Variants in GLDC observed in about 807,000 individuals in gnomAD.
The protein encoded by GLDC is glycine dehydrogenase (decarboxylating), mitochondrial.
A neutral mutation model predicts 121.3 loss-of-function variants in GLDC; 104 were observed. The ratio of observed to expected loss-of-function variants is 0.86; its 90% CI spans 0.73 to 1.01. The LOEUF (loss-of-function observed/expected upper bound fraction) is 1.01, where lower values mean the gene tolerates loss of function less well. Ranked by LOEUF, GLDC falls within the 50% of genes least tolerant of loss-of-function variation. The pLI is 0.00. For missense variants in GLDC, 1,429 were observed against 1,306.6 expected (o/e 1.09, Z -1.44); for synonymous variants, 546 against 480.6 (o/e 1.14, Z -1.78).
At chr9:6,639,669 G>GCATA in intron 2 of GLDC, 2 of 221,862 alleles carry the variant, frequency 9.0e-6, no homozygotes, top group Non-Finnish European at 1.5e-5. Context: ...TAAAAAAAAA[G>GCATA]TATATATATA....
chr9:6,625,526 G>T (rs1287224122), intron 2 of GLDC, among the ~76,000 whole-genome samples: 1 of 152,128 alleles, frequency 6.6e-6, no homozygotes, highest in African/African-American at 2.4e-5. Flanking sequence ...TCCAGTGCAG[G>T]ACTCTCCTTC....
chr9:6,623,547 C>G (rs1819165743), intron 2 of GLDC, among the ~76,000 whole-genome samples: 1 of 151,296 alleles, frequency 6.6e-6, no homozygotes, highest in Admixed American at 6.6e-5. Flanking sequence ...TGCTGACCTT[C>G]CCTCCACTAT....
intron 15 of GLDC, among the ~76,000 whole-genome samples, chr9:6,572,491 GGA>G (rs2129782891): frequency 6.6e-6 from 1 of 152,180 alleles, no homozygotes; most frequent in East Asian, 1.9e-4. Flanking sequence ...TGAGTCTATG[GGA>G]GAGACACGGT....
chr9:6,593,022 A>G (rs1203885699), intron 9 of GLDC, 32 bp from the exon 10 acceptor site: 4 of 1,612,362 alleles, frequency 2.5e-6, no homozygotes, highest in East Asian at 2.2e-5. Flanking sequence ...CCAAACTCTC[A>G]TATAGAAACC....
At chr9:6,543,894 G>A (rs571471986) in intron 21 of GLDC, among the ~76,000 whole-genome samples, 12 of 149,516 alleles carry the variant, frequency 8.0e-5, no homozygotes, top group Admixed American at 4.0e-4. Flanking sequence ...AGGACAGGAG[G>A]GGGGGGGATG....
At chr9:6,576,455 TTTATTTTTTTCTTCTTC>T (rs1219097810) in intron 15 of GLDC, among the ~76,000 whole-genome samples, 2 of 152,122 alleles carry the variant, frequency 1.3e-5, no homozygotes, top group Non-Finnish European at 2.9e-5. Flanking sequence ...GGAGTTATAA[TTTATTTTTTTCTTCTTC>T]TTATTTTTTT....
intron 14 of GLDC, 30 bp from the exon 15 acceptor site, chr9:6,587,313 A>G (rs1312329023): frequency 1.3e-6 from 2 of 1,522,082 alleles, no homozygotes; most frequent in South Asian, 1.1e-5. Context: ...AAATGCATAT[A>G]TACATATTAT....
At chr9:6,638,865 T>G (rs765651072) in intron 2 of GLDC, among the ~76,000 whole-genome samples, 1 of 151,990 alleles carries the variant, frequency 6.6e-6, no homozygotes, top group Non-Finnish European at 1.5e-5. Flanking sequence ...AAAAACTAGC[T>G]GGGCATGGTG....
At chr9:6,536,792 A>T (rs2129651616) in intron 22 of GLDC, among the ~76,000 whole-genome samples, 1 of 152,340 alleles carries the variant, frequency 6.6e-6, no homozygotes, top group South Asian at 2.1e-4. Flanking sequence ...TAATGAGATA[A>T]CAAGTGTTAA....
At chr9:6,566,078 C>A (rs1817849802) in intron 15 of GLDC, among the ~76,000 whole-genome samples, 1 of 152,112 alleles carries the variant, frequency 6.6e-6, no homozygotes, top group Non-Finnish European at 1.5e-5. Context: ...AGTGTCTCCA[C>A]TAAAAGTACA....
intron 16 of GLDC, among the ~76,000 whole-genome samples, chr9:6,560,956 G>A (rs1817744539): frequency 6.6e-6 from 1 of 152,216 alleles, no homozygotes; most frequent in South Asian, 2.1e-4. Flanking sequence ...GAGGGAGCGG[G>A]AGATGTGCTG....
intron 2 of GLDC, among the ~76,000 whole-genome samples, chr9:6,636,999 G>A (rs1211209612): frequency 6.6e-6 from 1 of 151,712 alleles, no homozygotes; most frequent in Non-Finnish European, 1.5e-5. Context: ...CAGAAGAATT[G>A]CTTGAACCCA....
chr9:6,536,336 A>G, intron 22 of GLDC, 100 bp from the exon 23 acceptor site: 1 of 1,022,004 alleles, frequency 9.8e-7, no homozygotes, highest in Non-Finnish European at 1.5e-6. Flanking sequence ...TCCTAAGAAA[A>G]TCATCAGATA....
intron 21 of GLDC, among the ~76,000 whole-genome samples, chr9:6,547,947 G>C (rs1004847621): frequency 1.3e-5 from 2 of 152,146 alleles, no homozygotes; most frequent in Non-Finnish European, 2.9e-5. Flanking sequence ...CTGGGCAACA[G>C]AGCAAGACCC....
intron 4 of GLDC, 142 bp downstream of exon 4, chr9:6,610,050 C>G (rs985708986): frequency 2.9e-6 from 2 of 683,328 alleles, no homozygotes; most frequent in African/African-American, 3.6e-5. Context: ...GGTTTTTGAA[C>G]CTGTTGAGTT....
intron 3 of GLDC, among the ~76,000 whole-genome samples, chr9:6,611,371 C>A (rs577652045): frequency 6.6e-6 from 1 of 152,106 alleles, no homozygotes; most frequent in Non-Finnish European, 1.5e-5. Flanking sequence ...TCCTGGCTAA[C>A]ATGGTGAAAC....
intron 2 of GLDC, chr9:6,639,196 A>C (rs1755600): frequency 0.28 from 243,409 of 857,542 alleles, 37,549 homozygotes; most frequent in East Asian, 0.53. Context: ...GAAGCCAAAG[A>C]GAATGCTTTA....
intron 16 of GLDC, among the ~76,000 whole-genome samples, chr9:6,561,036 T>C (rs1267827834): frequency 6.6e-6 from 1 of 152,138 alleles, no homozygotes; most frequent in Non-Finnish European, 1.5e-5. Context: ...AGGAAACAGA[T>C]TCTCCCCTGT....
At chr9:6,569,762 A>G (rs1817918869) in intron 15 of GLDC, among the ~76,000 whole-genome samples, 1 of 151,952 alleles carries the variant, frequency 6.6e-6, no homozygotes, top group South Asian at 2.1e-4. Context: ...GATTACCTGC[A>G]GTTAGAAGAT....
Sources: allele counts gnomAD v4.1 joint callset (sites outside exome capture counted in the v4.1 genomes callset), GRCh38; gene constraint gnomAD v4.1.1; transcripts MANE v1.5; gene names NCBI Gene and HGNC (gene_info 2026-07-23, HGNC 2026-07-21).